Variants in PIEZO2 observed in about 807,000 individuals in gnomAD.
The protein encoded by PIEZO2 is piezo type mechanosensitive ion channel component 2.
In PIEZO2, 172 loss-of-function variants were observed where a neutral mutation model predicts 337.3. The observed-to-expected ratio is 0.51, with a 90% CI of 0.45 to 0.58. The LOEUF (loss-of-function observed/expected upper bound fraction) is 0.58, where lower values mean the gene tolerates loss of function less well. Among genes scored for constraint, PIEZO2 ranks in the 20% least tolerant of loss-of-function variants. The pLI is 0.00. For missense variants in PIEZO2, 3,028 were observed against 3,391.3 expected (o/e 0.89, Z 2.66); for synonymous variants, 1,251 against 1,228.5 (o/e 1.02, Z -0.38).
In PIEZO2 at chr18:11,128,167, G is replaced by A. The variant is rs549573469; in HGVS notation, c.64+20358C>T. On this transcript the variant is annotated intron_variant, in intron 1 of 55. Transcript: ENST00000674853. The surrounding 1 kb of genome is among the most constrained non-coding windows in gnomAD (Gnocchi z 4.1). ...CCAAGGAACGTAATAAAGCTGGTTG[G>A]TTGCTCCTAAGTTCAGTGGACAAAG... 1.3e-5 allele frequency among the ~76,000 whole-genome samples: 2 copies of A among 152,260 alleles called. No homozygotes were observed. Among genetic ancestry groups the A allele is most frequent in the East Asian group, 3.9e-4 (2 of 5,180 alleles).
At position 10,940,748 on chromosome 18, in the gene PIEZO2, G is replaced by A. The variant is rs1446667354; in HGVS notation, c.287-29520C>T. Among the ~76,000 whole-genome samples, 1 of 152,138 alleles carries A rather than the reference G, an allele frequency of 6.6e-6. No individual in the cohort carries two copies. Among genetic ancestry groups the A allele is most frequent in the Non-Finnish European group, 1.5e-5 (1 of 68,036 alleles). On this transcript the variant is annotated intron_variant, in intron 3 of 55. Transcript: ENST00000674853. This position sits in a 1 kb window ranked among gnomAD's most constrained non-coding sequence, Gnocchi z 5.3. ...ATGGTGGCTCGCGCCTGTAGTCCCAGCTACTGGGGAGGCTGAGGCAGAAGA... is the reference window on the plus strand; with the variant it reads ...ATGGTGGCTCGCGCCTGTAGTCCCAACTACTGGGGAGGCTGAGGCAGAAGA...
intron 2 of PIEZO2, among the ~76,000 whole-genome samples, chr18:10,981,218 AT>A (rs935212261): frequency 2.0e-5 from 3 of 152,014 alleles, no homozygotes; most frequent in South Asian, 2.1e-4. Context: ...TTGACTGATA[AT>A]TTTTTTTAAA....
intron 16 of PIEZO2, among the ~76,000 whole-genome samples, chr18:10,785,942 C>G (rs1001528868): frequency 6.6e-6 from 1 of 152,082 alleles, no homozygotes; most frequent in African/African-American, 2.4e-5. Flanking sequence ...GAATTCTCCC[C>G]ACTCTTCGCT....
In PIEZO2 at chr18:10,828,584, G is replaced by C. The variant is rs1020438705; in HGVS notation, c.918-21310C>G. 6.6e-6 allele frequency among the ~76,000 whole-genome samples: 1 copy of C among 152,128 alleles called. No homozygotes were observed. The highest frequency in any genetic ancestry group is 1.5e-5 in the Non-Finnish European group (1 of 68,018). ...CATTGAATTATTGCAAAGTGTGTGA[G>C]ATATTGGTGCCCAGAGAGGGTCCGG... On this transcript the variant is annotated intron_variant, in intron 7 of 55. Transcript: ENST00000674853. This position sits in a 1 kb window ranked among gnomAD's most constrained non-coding sequence, Gnocchi z 4.1.
chr18:11,018,093 A>T (rs1156822064), intron 2 of PIEZO2, among the ~76,000 whole-genome samples: 3 of 151,938 alleles, frequency 2.0e-5, no homozygotes, highest in African/African-American at 4.8e-5. Flanking sequence ...TTTAGTGTAG[A>T]ATTGTTCCCT....
At chr18:10,944,202 GT>G (rs771147517) in intron 3 of PIEZO2, among the ~76,000 whole-genome samples, 3 of 151,984 alleles carry the variant, frequency 2.0e-5, no homozygotes, top group Non-Finnish European at 4.4e-5. Flanking sequence ...GCAATCATCA[GT>G]TTGGGCACAA....
intron 2 of PIEZO2, among the ~76,000 whole-genome samples, chr18:10,985,398 T>C (rs189284590): frequency 6.6e-6 from 1 of 152,222 alleles, no homozygotes; most frequent in East Asian, 1.9e-4. Context: ...AAACAGATTG[T>C]TTTGTGTGAT....
Position 10,682,042 on chromosome 18 carries a change from C to T in PIEZO2, c.7686+62G>A, listed in dbSNP as rs2034289372. On this transcript the variant is annotated intron_variant, in intron 50 of 55. Transcript: ENST00000674853. The surrounding 1 kb of genome is among the most constrained non-coding windows in gnomAD (Gnocchi z 5.6). The stretch of plus-strand genomic sequence containing the variant: ...CCATGACTAAACACCCTACAGACAG[C>T]TATCATAAAGGAATGTGGCGTGGGG... 42 of 1,437,060 alleles carry T rather than the reference C, an allele frequency of 2.9e-5. No homozygotes were observed. Among genetic ancestry groups the T allele is most frequent in the Non-Finnish European group, 3.9e-5 (42 of 1,078,992 alleles). The allele number at this position is 1,437,060 out of a possible 1,614,324, so 89.0% of individuals were successfully genotyped here.
chr18:10,743,976 T>C (rs1355067938), intron 31 of PIEZO2, among the ~76,000 whole-genome samples, 166 bp downstream of exon 31: 2 of 152,176 alleles, frequency 1.3e-5, no homozygotes, highest in Non-Finnish European at 2.9e-5. Context: ...TTCAGTCTAG[T>C]GGCATGAGCA....
At chr18:10,835,381 A>C (rs1647265115) in intron 7 of PIEZO2, among the ~76,000 whole-genome samples, 1 of 152,166 alleles carries the variant, frequency 6.6e-6, no homozygotes, top group African/African-American at 2.4e-5. Context: ...TTGTTGTCAA[A>C]TACAAAACAG....
chr18:11,060,004 G>C (rs940118195), intron 2 of PIEZO2, among the ~76,000 whole-genome samples: 7 of 152,092 alleles, frequency 4.6e-5, no homozygotes, highest in Non-Finnish European at 1.0e-4. Flanking sequence ...CACATAGTTG[G>C]AAGTAAAGCA....
Position 10,857,149 on chromosome 18 carries a change from T to C in PIEZO2, c.555A>G (p.Gly185=), listed in dbSNP as rs2041729717. 6.5e-7 allele frequency: 1 copy of C among 1,537,878 alleles called. No individual in the cohort carries two copies. Among genetic ancestry groups the C allele is most frequent in the Non-Finnish European group, 8.7e-7 (1 of 1,147,052 alleles). ...CTTCCAACTCGCCTTCAACACCATC[T>C]CCTCCATTGAAATCCTCTTCATAGA... The part of the protein sequence containing the change: ...ALIYEEDFNG[G]DGVEGELEES... The change falls in exon 6 of 56, where the codon GGA becomes GGG. Residue 185 remains glycine (G), a synonymous_variant. Transcript: ENST00000674853.
chr18:11,088,763 T>C (rs772764819), intron 1 of PIEZO2, among the ~76,000 whole-genome samples: 6 of 152,150 alleles, frequency 3.9e-5, no homozygotes, highest in Non-Finnish European at 5.9e-5. Context: ...TCAACCCCCA[T>C]TGGCTAAACC....
At chr18:10,818,154 A>G (rs901481596) in intron 7 of PIEZO2, among the ~76,000 whole-genome samples, 1 of 152,158 alleles carries the variant, frequency 6.6e-6, no homozygotes, top group Non-Finnish European at 1.5e-5. Flanking sequence ...ACCCTTAAAG[A>G]AGTAGTCATA....
At chr18:10,907,070 G>C (rs559095761) in intron 4 of PIEZO2, among the ~76,000 whole-genome samples, 1 of 152,238 alleles carries the variant, frequency 6.6e-6, no homozygotes, top group African/African-American at 2.4e-5. Context: ...AGAAATATTT[G>C]TGTATTATCT....
chr18:10,801,544 T>C (rs1217917669), intron 9 of PIEZO2, 116 bp from the exon 10 acceptor site: 3 of 887,690 alleles, frequency 3.4e-6, no homozygotes, highest in Non-Finnish European at 5.2e-6. Context: ...TGCTGATTGC[T>C]AGTATATTAA....
In PIEZO2 at chr18:10,767,512, G is replaced by A. The variant is rs1300090867; in HGVS notation, c.2946+2636C>T. 1.5e-5 allele frequency among the ~76,000 whole-genome samples: 2 copies of A among 135,368 alleles called. No individual in the cohort carries two copies. Among genetic ancestry groups the A allele is most frequent in the African/African-American group, 5.1e-5 (2 of 39,198 alleles). 88.8% of individuals were successfully genotyped at this position (135,368 alleles called of 152,430 possible). On this transcript the variant is annotated intron_variant, in intron 21 of 55. Coordinates refer to ENST00000674853, the MANE Select transcript of PIEZO2 (RefSeq NM_001378183.1). The surrounding 1 kb of genome is among the most constrained non-coding windows in gnomAD (Gnocchi z 4.2). ...GTGCCAAGATGATGGGGCAGGTGGG[G>A]ATGCAGGGAGGAGAACGTCCTCTGC...
chr18:10,774,315 CT>C (rs2038711538), intron 18 of PIEZO2, among the ~76,000 whole-genome samples: 1 of 152,138 alleles, frequency 6.6e-6, no homozygotes, highest in Non-Finnish European at 1.5e-5. Flanking sequence ...TTATATCATG[CT>C]TTTTTAGTAA....
At chr18:10,972,917 A>T (rs905698866) in intron 3 of PIEZO2, among the ~76,000 whole-genome samples, 1 of 152,190 alleles carries the variant, frequency 6.6e-6, no homozygotes, top group Non-Finnish European at 1.5e-5. Flanking sequence ...CTCGAACCTC[A>T]CAAAAACCTA....
Sources: allele counts gnomAD v4.1 joint callset (sites outside exome capture counted in the v4.1 genomes callset), GRCh38; gene constraint gnomAD v4.1.1; non-coding constraint Gnocchi (gnomAD v3.1); transcripts MANE v1.5; gene names NCBI Gene and HGNC (gene_info 2026-07-23, HGNC 2026-07-21).